The following DLG2 variants were observed in gnomAD, a reference collection of about 807,000 sequenced individuals.
DLG2 encodes the protein disks large homolog 2.
Under a neutral mutation model 132.5 loss-of-function variants are expected in DLG2, and 45 were observed. The ratio of observed to expected loss-of-function variants is 0.34; its 90% CI spans 0.27 to 0.44. The LOEUF is 0.44. Among genes scored for constraint, DLG2 ranks in the 20% least tolerant of loss-of-function variants. The pLI is 1.00. For synonymous variants in DLG2, 424 were observed against 419.6 expected, an observed-to-expected ratio of 1.01 and a Z score of -0.13; for missense variants, 1,045 against 1,196.9, an observed-to-expected ratio of 0.87 and a Z score of 1.87.
At chr11:85,599,866 A>G (rs2080030139) in intron 2 of DLG2, among the ~76,000 whole-genome samples, 1 of 152,232 alleles carries the variant, frequency 6.6e-6, no homozygotes, top group Non-Finnish European at 1.5e-5. Context: ...ACATCCTTGA[A>G]AAAGTCACTA....
intron 6 of DLG2, among the ~76,000 whole-genome samples, chr11:84,642,695 C>T (rs1055693854): frequency 6.6e-6 from 1 of 152,098 alleles, no homozygotes; most frequent in Admixed American, 6.5e-5. Context: ...GCTAGAGGTT[C>T]CCCACTCTAC....
intron 6 of DLG2, among the ~76,000 whole-genome samples, chr11:84,553,360 T>A (rs11234073): frequency 0.33 from 50,689 of 152,086 alleles, 9,081 homozygotes; most frequent in South Asian, 0.46. Context: ...TGTTTTCAGT[T>A]GATAAGACTG....
At chr11:84,107,879 C>T (rs143795208) in intron 9 of DLG2, among the ~76,000 whole-genome samples, 1 of 152,178 alleles carries the variant, frequency 6.6e-6, no homozygotes, top group East Asian at 1.9e-4. Context: ...AGCTTTGAGG[C>T]AAGAGAGAGA....
At chr11:84,672,981 G>C (rs2099707541) in intron 6 of DLG2, among the ~76,000 whole-genome samples, 1 of 151,990 alleles carries the variant, frequency 6.6e-6, no homozygotes, top group African/African-American at 2.4e-5. Context: ...ACGGTGTGTT[G>C]GGGGGTAGGT....
chr11:85,588,573 A>T (rs1203073950), intron 3 of DLG2, among the ~76,000 whole-genome samples: 3 of 151,910 alleles, frequency 2.0e-5, no homozygotes, highest in Non-Finnish European at 4.4e-5. Context: ...AGCATTTTTC[A>T]TCCATATCCT....
chr11:84,568,929 T>G (rs1444569955), intron 6 of DLG2, among the ~76,000 whole-genome samples: 1 of 152,186 alleles, frequency 6.6e-6, no homozygotes. Flanking sequence ...TTCACCTATC[T>G]TGAACGGTAT....
chr11:85,533,082 G>T (rs925929390), intron 3 of DLG2, among the ~76,000 whole-genome samples: 2 of 152,042 alleles, frequency 1.3e-5, no homozygotes, highest in Non-Finnish European at 2.9e-5. Context: ...GAAGTGCAAT[G>T]GCATGATCTC....
intron 6 of DLG2, among the ~76,000 whole-genome samples, chr11:84,574,018 G>A (rs2099492349): frequency 6.6e-6 from 1 of 152,100 alleles, no homozygotes; most frequent in Admixed American, 6.5e-5. Context: ...TAAGGACTAG[G>A]GAGGGGCAAA....
chr11:84,448,645 T>A (rs1004006231), intron 7 of DLG2, among the ~76,000 whole-genome samples: 3 of 151,948 alleles, frequency 2.0e-5, no homozygotes, highest in Non-Finnish European at 4.4e-5. Context: ...TCTATGAAAA[T>A]TTTTCCAGAT....
chr11:83,530,880 T>A (rs1286629145), intron 21 of DLG2, among the ~76,000 whole-genome samples: 1 of 151,968 alleles, frequency 6.6e-6, no homozygotes, highest in Non-Finnish European at 1.5e-5. Context: ...TTGCAGGATA[T>A]AAGATTGGTC....
At chr11:83,472,834 A>AC (rs1591422560) in intron 22 of DLG2, 57 bp from the exon 23 acceptor site, 1 of 1,437,986 alleles carries the variant, frequency 7.0e-7, no homozygotes, top group East Asian at 2.3e-5. Flanking sequence ...TTACAGAGAC[A>AC]AGCCCTGCTC....
chr11:85,388,784 C>T (rs2086559121), intron 3 of DLG2, among the ~76,000 whole-genome samples: 1 of 152,110 alleles, frequency 6.6e-6, no homozygotes, highest in South Asian at 2.1e-4. Flanking sequence ...GAAGCCCCAT[C>T]CCTAGGAGAA....
At chr11:83,759,720 T>C (rs1566855382) in intron 18 of DLG2, among the ~76,000 whole-genome samples, 1 of 152,158 alleles carries the variant, frequency 6.6e-6, no homozygotes, top group Non-Finnish European at 1.5e-5. Flanking sequence ...GTACTCATAG[T>C]GGTTTTAAAT....
chr11:84,231,922 A>G (rs1047225888), intron 8 of DLG2, among the ~76,000 whole-genome samples: 5 of 152,162 alleles, frequency 3.3e-5, no homozygotes, highest in African/African-American at 4.8e-5. Context: ...CAAACATACT[A>G]TGTAAGGATT....
At chr11:84,255,498 A>AT (rs1240981506) in intron 7 of DLG2, among the ~76,000 whole-genome samples, 2 of 151,828 alleles carry the variant, frequency 1.3e-5, no homozygotes, top group Non-Finnish European at 2.9e-5. Context: ...TAATTTTTGT[A>AT]TTTTTAGTAG....
chr11:85,285,005 A>C (rs993296092), intron 4 of DLG2, among the ~76,000 whole-genome samples: 3 of 151,822 alleles, frequency 2.0e-5, no homozygotes, highest in Admixed American at 1.3e-4. Flanking sequence ...AACATAACCC[A>C]CTCAAAAAAT....
At chr11:83,780,288 T>A (rs928233009) in intron 18 of DLG2, among the ~76,000 whole-genome samples, 2 of 152,326 alleles carry the variant, frequency 1.3e-5, no homozygotes, top group African/African-American at 4.8e-5. Flanking sequence ...CAAGCTTTCA[T>A]TATATCTTTG....
At chr11:84,196,213 C>T (rs2096513877) in intron 8 of DLG2, among the ~76,000 whole-genome samples, 1 of 152,150 alleles carries the variant, frequency 6.6e-6, no homozygotes, top group African/African-American at 2.4e-5. Flanking sequence ...ACTTTTATAT[C>T]TCATCTGGAA....
intron 7 of DLG2, among the ~76,000 whole-genome samples, chr11:84,267,549 C>T (rs932237719): frequency 6.6e-6 from 1 of 152,168 alleles, no homozygotes; most frequent in African/African-American, 2.4e-5. Context: ...CTCACTTGCA[C>T]TGGCTTAAGC....
Sources: allele counts gnomAD v4.1 joint callset (sites outside exome capture counted in the v4.1 genomes callset), GRCh38; gene constraint gnomAD v4.1.1; transcripts MANE v1.5; gene names NCBI Gene and HGNC (gene_info 2026-07-23, HGNC 2026-07-21).